The following SDAD1 variants were observed in gnomAD, a reference collection of about 807,000 sequenced individuals.
The protein encoded by SDAD1 is SDA1 domain containing 1.
In SDAD1, 79 loss-of-function variants were observed where a neutral mutation model predicts 100.3. That is an observed-to-expected ratio of 0.79 (90% CI 0.66 to 0.95). SDAD1 has a LOEUF of 0.95. Among genes scored for constraint, SDAD1 ranks in the 40% least tolerant of loss-of-function variants. The pLI is 0.00. For synonymous variants in SDAD1, 267 were observed against 271.4 expected, an observed-to-expected ratio of 0.98 and a Z score of 0.16; for missense variants, 790 against 810.9, an observed-to-expected ratio of 0.97 and a Z score of 0.31.
At chr4:75,975,179 C>T (rs939319828) in intron 6 of SDAD1, among the ~76,000 whole-genome samples, 6 of 151,832 alleles carry the variant, frequency 4.0e-5, no homozygotes, top group Non-Finnish European at 2.9e-5. Context: ...TGATTAAAAC[C>T]ACTTTTTAAA....
Position 75,973,329 on chromosome 4 carries a change from G to A in SDAD1, c.699C>T (p.Asp233=), listed in dbSNP as rs760103693. 3 of 1,613,136 alleles carry A rather than the reference G, an allele frequency of 1.9e-6. No homozygotes were observed. Among genetic ancestry groups the A allele is most frequent in the Non-Finnish European group, 2.5e-6 (3 of 1,179,314 alleles). The change falls in exon 8 of 22, where the codon GAC becomes GAT. Residue 233 remains aspartate, a synonymous_variant. Transcript: ENST00000356260. ...GKDEDEKQDS[D]SESEDDGPTA... ...TGATTAAACTAACCTCAGATTCGGA[G>A]TCACTGTCCTGTTTTTCATCTTCAT...
intron 12 of SDAD1, among the ~76,000 whole-genome samples, chr4:75,966,397 T>C (rs984982954): frequency 2.0e-5 from 3 of 151,946 alleles, no homozygotes; most frequent in Non-Finnish European, 4.4e-5. Flanking sequence ...GATTTTCCAT[T>C]TATTTGCTGA....
intron 1 of SDAD1, among the ~76,000 whole-genome samples, chr4:75,984,818 CTCA>C (rs1451703570): frequency 2.0e-5 from 3 of 151,518 alleles, no homozygotes; most frequent in Non-Finnish European, 4.4e-5. Context: ...CACACTCTTT[CTCA>C]TCATCCCTAC....
At chr4:75,976,491 C>A (rs1333988443) in intron 4 of SDAD1, among the ~76,000 whole-genome samples, 1 of 152,108 alleles carries the variant, frequency 6.6e-6, no homozygotes, top group Non-Finnish European at 1.5e-5. Flanking sequence ...TGTTATGATT[C>A]CACTTATATA....
intron 17 of SDAD1, among the ~76,000 whole-genome samples, chr4:75,958,475 A>C (rs1729033162): frequency 6.6e-6 from 1 of 152,218 alleles, no homozygotes; most frequent in African/African-American, 2.4e-5. Flanking sequence ...ACCTCAATAA[A>C]AAGGTATCAG....
At chr4:75,954,824 T>G (rs920038852) in intron 21 of SDAD1, among the ~76,000 whole-genome samples, 4 of 152,046 alleles carry the variant, frequency 2.6e-5, no homozygotes, top group South Asian at 2.1e-4. Flanking sequence ...TGTTCATAGC[T>G]CTGGGAATGG....
At chr4:75,971,523 C>A in intron 8 of SDAD1, 65 bp from the exon 9 acceptor site, 1 of 1,158,302 alleles carries the variant, frequency 8.6e-7, no homozygotes, top group Non-Finnish European at 1.3e-6. Flanking sequence ...AAAGAGTAAA[C>A]CTTTCAGCCA....
At chr4:75,978,896 T>A (rs984911499) in intron 3 of SDAD1, among the ~76,000 whole-genome samples, 3 of 147,212 alleles carry the variant, frequency 2.0e-5, no homozygotes, top group African/African-American at 7.5e-5. Context: ...GGAGGACTGC[T>A]TGAGCCCAGA....
intron 1 of SDAD1, among the ~76,000 whole-genome samples, chr4:75,989,915 G>A (rs1267206150): frequency 6.6e-6 from 1 of 152,308 alleles, no homozygotes; most frequent in East Asian, 1.9e-4. Flanking sequence ...ATAAGTAATT[G>A]TGTTAGCCAC....
In SDAD1 at chr4:75,957,913, C is replaced by G. The variant is rs779190661; in HGVS notation, c.1512G>C (p.Glu504Asp). The change falls in exon 18 of 22, where the codon GAG (glutamate) becomes GAC (aspartate). Residue 504 changes from glutamate (E) to aspartate (D), a missense_variant. Glu to Asp is a conservative substitution (Grantham distance 45, BLOSUM62 2). Transcript: ENST00000356260. ...EDGWESTSLS[E>D]EEDADGEWID... Reference sequence around the variant, plus strand: ...TCCATTCACCATCAGCATCCTCCTCCTCACTGAGACTGGTACTTTCCCATC... The same window carrying G: ...TCCATTCACCATCAGCATCCTCCTCGTCACTGAGACTGGTACTTTCCCATC... 6.2e-7 allele frequency: 1 copy of G among 1,612,960 alleles called. No individual in the cohort carries two copies. The highest frequency in any genetic ancestry group is 1.1e-5 in the South Asian group (1 of 91,014).
At chr4:75,950,833 T>C (rs1391717355) in intron 21 of SDAD1, 36 bp from the exon 22 acceptor site, 10 of 1,457,256 alleles carry the variant, frequency 6.9e-6, no homozygotes, top group Non-Finnish European at 9.5e-6. Flanking sequence ...ATGATAACTC[T>C]TGGGTACCCT....
At chr4:75,990,163 T>A (rs1731154797) in intron 1 of SDAD1, among the ~76,000 whole-genome samples, 1 of 152,050 alleles carries the variant, frequency 6.6e-6, no homozygotes, top group African/African-American at 2.4e-5. Context: ...TTCAACCTAA[T>A]CTTTTCCCGA....
rs1336622975 is a variant in SDAD1, at chr4:75,954,682, A to G, written c.2016+1293T>C. On this transcript the variant is annotated intron_variant, in intron 21 of 21. Transcript: ENST00000356260. ...ACAAAATTGCATGCAAGATTGTGTA[A>G]AAACAATGCCAGGTTGGGCTGCCAG... Among the ~76,000 whole-genome samples the G allele has an allele frequency of 2.6e-5, 4 of 152,308 alleles. No individual in the cohort carries two copies. In the South Asian group the frequency reaches 6.2e-4, roughly 24 times the overall value.
chr4:75,951,269 T>C (rs981809134), intron 21 of SDAD1, among the ~76,000 whole-genome samples: 4 of 152,220 alleles, frequency 2.6e-5, no homozygotes, highest in African/African-American at 9.6e-5. Context: ...GATTTTATAA[T>C]GGCATTCAGC....
chr4:75,971,609 G>A (rs370384109), intron 8 of SDAD1, 151 bp from the exon 9 acceptor site: 6 of 617,470 alleles, frequency 9.7e-6, no homozygotes, highest in Admixed American at 3.0e-5. Context: ...AGTGGCTCAC[G>A]TCTGTAATCC....
intron 13 of SDAD1, among the ~76,000 whole-genome samples, 192 bp from the exon 14 acceptor site, chr4:75,964,403 C>T (rs1729421990): frequency 6.6e-6 from 1 of 152,190 alleles, no homozygotes; most frequent in Non-Finnish European, 1.5e-5. Flanking sequence ...TTTTTCTTGG[C>T]TATCCTCAGA....
chr4:75,990,663 T>G (rs1731206981), intron 1 of SDAD1, 89 bp downstream of exon 1: 1 of 1,604,920 alleles, frequency 6.2e-7, no homozygotes, highest in Non-Finnish European at 8.5e-7. Flanking sequence ...GCGGCGAGCC[T>G]GGATCCCAGC....
intron 6 of SDAD1, 27 bp downstream of exon 6, chr4:75,975,717 C>G (rs1730118511): frequency 1.3e-6 from 2 of 1,501,736 alleles, no homozygotes; most frequent in Non-Finnish European, 1.8e-6. Flanking sequence ...GAGTCTACTT[C>G]TCAAGAGACA....
Position 75,981,393 on chromosome 4 carries a change from T to C in SDAD1, c.273A>G (p.Val91=). The change falls in exon 3 of 22, where the codon GTA becomes GTG. Residue 91 remains valine, a synonymous_variant. Coordinates refer to ENST00000356260, the MANE Select transcript of SDAD1 (RefSeq NM_018115.4). ...CTACCATTCGCAGATCTGGATCCAATACGGTATGATTGCAGGAGAGAAGAT... is the reference window on the plus strand; with the variant it reads ...CTACCATTCGCAGATCTGGATCCAACACGGTATGATTGCAGGAGAGAAGAT... ...VKDLLSCNHT[V]LDPDLRMTFC... The C allele has an allele frequency of 1.2e-6, 2 of 1,613,900 alleles. No individual in the cohort carries two copies. Among genetic ancestry groups the C allele is most frequent in the Non-Finnish European group, 8.5e-7 (1 of 1,179,804 alleles).
Sources: allele counts gnomAD v4.1 joint callset (sites outside exome capture counted in the v4.1 genomes callset), GRCh38; gene constraint gnomAD v4.1.1; transcripts MANE v1.5; gene names NCBI Gene and HGNC (gene_info 2026-07-23, HGNC 2026-07-21).